COG2: variants seen among roughly 807,000 people sequenced by gnomAD.
The protein encoded by COG2 is conserved oligomeric Golgi complex subunit 2.
COG2 carries 52 observed loss-of-function variants against 90.6 expected under a neutral mutation model. That is an observed-to-expected ratio of 0.57 (90% CI 0.46 to 0.72). COG2 has a LOEUF of 0.72. COG2 is among the 30% of genes least tolerant of loss of function. The pLI is 0.00. For synonymous variants in COG2, 337 were observed against 320.4 expected, an observed-to-expected ratio of 1.05 and a Z score of -0.55; for missense variants, 829 against 891.2, an observed-to-expected ratio of 0.93 and a Z score of 0.89.
intron 10 of COG2, chr1:230,680,123 G>A (rs1662704200): frequency 6.6e-6 from 1 of 152,184 alleles, no homozygotes; most frequent in Admixed American, 6.5e-5. Context: ...TTAATGGGAT[G>A]CACTGGAAAT....
chr1:230,688,074 C>A lies in COG2; in HGVS notation c.1582C>A (p.Pro528Thr). 6.3e-7 allele frequency: 1 copy of A among 1,589,720 alleles called. No homozygotes were observed. Among genetic ancestry groups the A allele is most frequent in the South Asian group, 1.2e-5 (1 of 84,914 alleles). ...ATAAAGTGCATATTTATTTCAGCTT[C>A]CAGAACTCTTGGAAATAATCAAGCC... is the stretch of plus-strand genomic sequence containing the variant. ...ADLDKLQEQL[P>T]ELLEIIKPKL... Residue 528 changes from proline to threonine, a missense_variant, in exon 14 of 18, where the codon CCA becomes ACA. Coordinates refer to ENST00000366669, the MANE Select transcript of COG2 (RefSeq NM_007357.3).
intron 1 of COG2, among the ~76,000 whole-genome samples, chr1:230,657,613 G>A (rs1571946009): frequency 6.6e-6 from 1 of 152,118 alleles, no homozygotes; most frequent in Non-Finnish European, 1.5e-5. Flanking sequence ...ATGTTGACCT[G>A]TCTTGCTAGG....
intron 10 of COG2, chr1:230,682,142 G>A (rs1284710871): frequency 6.6e-6 from 1 of 152,050 alleles, no homozygotes; most frequent in Non-Finnish European, 1.5e-5. Flanking sequence ...TCCTTCTTTT[G>A]GCCATTTAGG....
intron 1 of COG2, among the ~76,000 whole-genome samples, chr1:230,644,420 A>T (rs989576895): frequency 1.3e-5 from 2 of 152,230 alleles, no homozygotes; most frequent in Admixed American, 6.5e-5. Context: ...TGGTTGGAAC[A>T]CTTGTCCAGG....
At chr1:230,670,835 ACTC>A (rs1227803641) in intron 7 of COG2, 1 of 151,386 alleles carries the variant, frequency 6.6e-6, no homozygotes, top group East Asian at 1.9e-4. Context: ...CTAATCTTGA[ACTC>A]CTGAGCGCAA....
rs955603291 is a variant in COG2 at position 230,688,524 on chromosome 1, G to A, written c.1756G>A (p.Ala586Thr). 4 of 1,614,088 alleles carry A rather than the reference G, an allele frequency of 2.5e-6. No homozygotes were observed. The highest frequency in any genetic ancestry group is 2.2e-5 in the East Asian group (1 of 44,882). ...CTCTTGCTTCGGTTTCCTAAAAAGC[G>A]CCCTGGAGGTTCCCAGGCTTTACCG... ...SDSCFGFLKS[A>T]LEVPRLYRRT... is the part of the protein sequence containing the mutation. Residue 586 changes from alanine (A) to threonine (T), a missense_variant, in exon 15 of 18, where the codon GCC becomes ACC. Transcript: ENST00000366669.
At position 230,665,247 on chromosome 1, in the gene COG2, G is replaced by A. The variant is rs77106215; in HGVS notation, c.485+660G>A. Among the ~76,000 whole-genome samples, 1,200 of 152,254 alleles carry A rather than the reference G, an allele frequency of 7.9e-3. 14 individuals carry two copies. Among genetic ancestry groups the A allele is most frequent in the African/African-American group, 0.027 (1,117 of 41,534 alleles). ...TGTACCAGCTGGGTAGCCTGAGTCA[G>A]GTTACTTCACTCTGTGTCTTGGTGT... On this transcript the variant is annotated intron_variant, in intron 5 of 17. Transcript: ENST00000366669.
intron 15 of COG2, among the ~76,000 whole-genome samples, chr1:230,689,173 A>C (rs575373993): frequency 1.1e-3 from 161 of 150,024 alleles, no homozygotes; most frequent in Non-Finnish European, 1.9e-3. Context: ...TCCACACACA[A>C]AAAAAGTTTT....
In COG2 at chr1:230,668,607, G is replaced by T. The variant is rs575377568; in HGVS notation, c.486-69G>T. 106 of 910,622 alleles carry T rather than the reference G, an allele frequency of 1.2e-4. 2 individuals are homozygous for T. The South Asian group carries it at 1.8e-3, about 16-fold the overall frequency. The allele number at this position is 910,622 out of a possible 1,614,324, so 56.4% of individuals were successfully genotyped here. ...GGGTATGAAAGTCTCTCACTGCCAG[G>T]CGTGTGATGTATTCTCGTGGAAATA... is the stretch of plus-strand genomic sequence containing the variant. On this transcript the variant is annotated intron_variant, in intron 5 of 17. Transcript: ENST00000366669.
intron 1 of COG2, among the ~76,000 whole-genome samples, chr1:230,652,159 C>G (rs1661929511): frequency 6.6e-6 from 1 of 150,960 alleles, no homozygotes; most frequent in Non-Finnish European, 1.5e-5. Flanking sequence ...ATCCCTTGTG[C>G]TCTGCCTGTC....
chr1:230,678,825 T>C (rs1662662160), intron 9 of COG2, 88 bp from the exon 10 acceptor site: 1 of 1,587,926 alleles, frequency 6.3e-7, no homozygotes. Context: ...CGTGTTGAGC[T>C]TCTTTATCTT....
rs1193519691 is a variant in COG2 at position 230,666,612 on chromosome 1, C to T, written c.485+2025C>T. On this transcript the variant is annotated intron_variant, in intron 5 of 17. Transcript: ENST00000366669. ...GCCACTTCTGTATTCTTCACTAAAG[C>T]TATTCAGAACTACTTTTGGTTCCCT... Among the ~76,000 whole-genome samples the T allele has an allele frequency of 2.0e-5, 3 of 152,310 alleles. No homozygotes were observed. The East Asian group carries it at 5.8e-4, about 29-fold the overall frequency.
chr1:230,687,243 C>T (rs1483618292), intron 13 of COG2, 111 bp downstream of exon 13: 6 of 789,070 alleles, frequency 7.6e-6, no homozygotes, highest in South Asian at 7.2e-5. Flanking sequence ...AATTGGGGGA[C>T]CCGTGGGTAC....
chr1:230,644,552 T>A (rs1661713985), intron 1 of COG2, among the ~76,000 whole-genome samples: 1 of 152,180 alleles, frequency 6.6e-6, no homozygotes, highest in African/African-American at 2.4e-5. Flanking sequence ...AAATCCAGAT[T>A]TAAAGTTGCT....
Position 230,669,490 on chromosome 1 carries a change from G to A in COG2, c.729G>A (p.Ala243=), listed in dbSNP as rs527808626. 1.4e-5 allele frequency: 23 copies of A among 1,614,008 alleles called. No homozygotes were observed. Among genetic ancestry groups the A allele is most frequent in the Admixed American group, 8.3e-5 (5 of 60,024 alleles). Residue 243 remains alanine, a synonymous_variant, in exon 7 of 18, where the codon GCG becomes GCA. Transcript: ENST00000366669. ...CCACGATTGACAAGACACGGGACGC[G>A]GAGGCCTTAGTTGGCCAAGTACTAG... ...TYATIDKTRD[A]EALVGQVLVK... is the part of the protein sequence containing the mutation.
At chr1:230,692,110 T>C (rs1168379503) in intron 17 of COG2, among the ~76,000 whole-genome samples, 1 of 152,118 alleles carries the variant, frequency 6.6e-6, no homozygotes, top group Non-Finnish European at 1.5e-5. Context: ...GAATGTCTTT[T>C]CATTTTTCAC....
intron 8 of COG2, among the ~76,000 whole-genome samples, chr1:230,673,482 A>G (rs1028924615): frequency 6.6e-6 from 1 of 152,236 alleles, no homozygotes; most frequent in Non-Finnish European, 1.5e-5. Context: ...GAGAATACAG[A>G]TGAGCTTTTC....
At chr1:230,658,803 T>C (rs1413570625) in intron 1 of COG2, among the ~76,000 whole-genome samples, 1 of 152,182 alleles carries the variant, frequency 6.6e-6, no homozygotes, top group Non-Finnish European at 1.5e-5. Context: ...TGAGCTGCAG[T>C]GCACTCCGCA....
chr1:230,676,848 CATT>C (rs759106335), intron 9 of COG2, among the ~76,000 whole-genome samples: 11 of 152,138 alleles, frequency 7.2e-5, no homozygotes, highest in Admixed American at 4.6e-4. Flanking sequence ...TTTTGAGTTG[CATT>C]ATTAAGTTAG....
Sources: allele counts gnomAD v4.1 joint callset (sites outside exome capture counted in the v4.1 genomes callset), GRCh38; gene constraint gnomAD v4.1.1; transcripts MANE v1.5; gene names NCBI Gene and HGNC (gene_info 2026-07-23, HGNC 2026-07-21).